The following BMF variants were observed in gnomAD, a reference collection of about 807,000 sequenced individuals.
BMF encodes bcl-2-modifying factor.
In BMF, 10 loss-of-function variants were observed where a neutral mutation model predicts 22.0. That is an observed-to-expected ratio of 0.45 (90% CI 0.28 to 0.77). The LOEUF (loss-of-function observed/expected upper bound fraction) is 0.77. BMF is among the 30% of genes least tolerant of loss of function. BMF has a pLI of 0.13. For synonymous variants in BMF, 87 were observed against 88.1 expected (o/e 0.99, Z 0.07); for missense variants, 206 against 226.8 (o/e 0.91, Z 0.59).
At chr15:40,097,445 C>T (rs1317730204) in intron 4 of BMF, among the ~76,000 whole-genome samples, 16 of 152,242 alleles carry the variant, frequency 1.1e-4, no homozygotes, top group Admixed American at 1.0e-3. Flanking sequence ...CTGAGTATCA[C>T]ATGAGGCAGA....
chr15:40,091,787 T>C lies in BMF; in HGVS notation c.555A>G (p.Ter185TrpextTer24). ...CCCATGTGAAGAGGGCAGCCCACCCTCACCTAGGGCCTGCCCCGTTCCTGT... is the reference window on the plus strand; with the variant it reads ...CCCATGTGAAGAGGGCAGCCCACCCCCACCTAGGGCCTGCCCCGTTCCTGT... Reference protein sequence around the residue: ...EENRNGAGPR* With the variant: ...EENRNGAGPRW The change falls in exon 5 of 5, where the codon TGA becomes TGG. Residue 185 changes from the stop codon to tryptophan, a stop_lost. Transcript: ENST00000354670. The C allele has an allele frequency of 6.2e-7, 1 of 1,603,426 alleles. No homozygotes were observed. The highest frequency in any genetic ancestry group is 8.5e-7 in the Non-Finnish European group (1 of 1,175,154).
chr15:40,107,587 G>GT (rs891397345), intron 2 of BMF, among the ~76,000 whole-genome samples: 14 of 149,850 alleles, frequency 9.3e-5, no homozygotes, highest in African/African-American at 3.4e-4. Flanking sequence ...TGGGGAGGGG[G>GT]GTGAGGTGGT....
intron 4 of BMF, among the ~76,000 whole-genome samples, chr15:40,093,190 T>A (rs1237021162): frequency 6.6e-6 from 1 of 152,200 alleles, no homozygotes; most frequent in Non-Finnish European, 1.5e-5. Context: ...GGTTGCTGGC[T>A]TCCCCTTCAC....
intron 4 of BMF, among the ~76,000 whole-genome samples, chr15:40,102,023 T>G (rs1052417706): frequency 3.3e-5 from 5 of 152,112 alleles, no homozygotes; most frequent in Non-Finnish European, 7.4e-5. Flanking sequence ...CACCTCCACT[T>G]TCCTTCTCCC....
intron 4 of BMF, among the ~76,000 whole-genome samples, chr15:40,094,372 G>A (rs1217881016): frequency 6.6e-6 from 1 of 152,168 alleles, no homozygotes; most frequent in African/African-American, 2.4e-5. Context: ...GGTGCAGGAG[G>A]CAGGATACAT....
chr15:40,106,107 G>A lies in BMF; in HGVS notation c.-5-16C>T, dbSNP rs377347079. 23 of 1,573,574 alleles carry A rather than the reference G, an allele frequency of 1.5e-5. No individual in the cohort carries two copies. The Middle Eastern group carries it at 5.1e-4, about 35-fold the overall frequency. On this transcript the variant is annotated splice_polypyrimidine_tract_variant and intron_variant, in intron 2 of 4. Transcript: ENST00000354670. The surrounding 1 kb of genome is among the most constrained non-coding windows in gnomAD (Gnocchi z 4.1). Reference sequence around the variant, plus strand: ...TCCATCTCTCCTGTGAGGGGGCAACGCAGGCATCTGGGCTGCTGCCCCACC... The same window carrying A: ...TCCATCTCTCCTGTGAGGGGGCAACACAGGCATCTGGGCTGCTGCCCCACC...
intron 3 of BMF, among the ~76,000 whole-genome samples, chr15:40,105,427 T>A (rs1301538170): frequency 6.6e-6 from 1 of 151,920 alleles, no homozygotes; most frequent in Non-Finnish European, 1.5e-5. Flanking sequence ...ACCGGCTGGG[T>A]TTTTCCCTTC....
At chr15:40,100,897 AG>A (rs1435607258) in intron 4 of BMF, among the ~76,000 whole-genome samples, 1 of 152,142 alleles carries the variant, frequency 6.6e-6, no homozygotes, top group Non-Finnish European at 1.5e-5. Flanking sequence ...AGGGACAAAA[AG>A]GGGGAGTGCA....
chr15:40,108,461 G>A (rs1225290037), intron 1 of BMF, 75 bp from the exon 2 acceptor site: 1 of 152,776 alleles, frequency 6.5e-6, no homozygotes, highest in Admixed American at 6.5e-5. Flanking sequence ...CCCAAAGTCA[G>A]ACCCAGAGGC....
At chr15:40,102,845 C>T (rs960882636) in intron 4 of BMF, among the ~76,000 whole-genome samples, 63 of 152,264 alleles carry the variant, frequency 4.1e-4, no homozygotes, top group African/African-American at 1.5e-3. Flanking sequence ...AGGGGAAACT[C>T]GAAGCCAAGT....
chr15:40,091,476 C>T lies in BMF; in HGVS notation c.*311G>A, dbSNP rs1230131579. On this transcript the variant is annotated 3_prime_UTR_variant, in exon 5 of 5. Transcript: ENST00000354670. ...GAGAACATCACTAACGGATCATCTTCGACAACTGGTAGATTCCTCAGTCGA... is the reference window on the plus strand; with the variant it reads ...GAGAACATCACTAACGGATCATCTTTGACAACTGGTAGATTCCTCAGTCGA... 2.7e-5 allele frequency: 7 copies of T among 259,898 alleles called. No homozygotes were observed. Among genetic ancestry groups the T allele is most frequent in the East Asian group, 7.2e-5 (1 of 13,918 alleles). The allele number at this position is 259,898 out of a possible 1,614,324, so 16.1% of individuals were successfully genotyped here. A position where few individuals can be genotyped will look rare whatever the true frequency, so the allele number is the denominator to read the frequency against.
At chr15:40,102,416 C>CAAAAAAAAAAAAAAAAAAAAAAAAAAAA (rs71132141) in intron 4 of BMF, among the ~76,000 whole-genome samples, 1 of 95,838 alleles carries the variant, frequency 1.0e-5, no homozygotes. Flanking sequence ...GCGAAAGAGC[C>CAAAAAAAAAAAAAAAAAAAAAAAAAAAA]AAAAAAAAAA....
At chr15:40,097,378 T>C (rs1314029628) in intron 4 of BMF, among the ~76,000 whole-genome samples, 1 of 152,238 alleles carries the variant, frequency 6.6e-6, no homozygotes, top group Non-Finnish European at 1.5e-5. Flanking sequence ...TAAAATATTA[T>C]AAACTTGGTT....
At chr15:40,094,512 C>T (rs554813664) in intron 4 of BMF, among the ~76,000 whole-genome samples, 21 of 152,322 alleles carry the variant, frequency 1.4e-4, no homozygotes, top group Admixed American at 1.3e-4. Context: ...ACCTGGCTTT[C>T]GGGTTGGATC....
In BMF at chr15:40,104,322, A is replaced by C; in HGVS notation, c.311T>G (p.Leu104Arg). The C allele has an allele frequency of 6.2e-7, 1 of 1,614,212 alleles. No homozygotes were observed. The highest frequency in any genetic ancestry group is 8.5e-7 in the Non-Finnish European group (1 of 1,180,036). Residue 104 changes from leucine (L) to arginine (R), a missense_variant, in exon 4 of 5, where the codon CTT becomes CGT. Transcript: ENST00000354670. The stretch of plus-strand genomic sequence containing the variant: ...TGCTGGGAAACTGGCAGGGAGAGGA[A>C]GCCGATAGCCAGCATTGCCTGCAAA... The part of the protein sequence containing the change: ...RLFYGNAGYR[L>R]PLPASFPAVL...
chr15:40,089,272 G>A lies in BMF; in HGVS notation c.*2515C>T, dbSNP rs554684995. 6.6e-6 allele frequency: 1 copy of A among 152,298 alleles called. No individual in the cohort carries two copies. The highest frequency in any genetic ancestry group is 1.5e-5 in the Non-Finnish European group (1 of 68,144). The allele number at this position is 152,298 out of a possible 1,614,324, so 9.4% of individuals were successfully genotyped here. On this transcript the variant is annotated 3_prime_UTR_variant, in exon 5 of 5. Coordinates refer to ENST00000354670, the MANE Select transcript of BMF (RefSeq NM_001003940.2). ...GAGGAATGTTTAGGCCAACTCACCAGGCAGAGGAGGAAGGGGCCAGTTTAG... is the reference window on the plus strand; with the variant it reads ...GAGGAATGTTTAGGCCAACTCACCAAGCAGAGGAGGAAGGGGCCAGTTTAG...
rs2036575147 is a variant in BMF, at chr15:40,105,786, A to C, written c.292+9T>G. 1 of 1,588,576 alleles carries C rather than the reference A, an allele frequency of 6.3e-7. No individual in the cohort carries two copies. Among genetic ancestry groups the C allele is most frequent in the East Asian group, 2.2e-5 (1 of 44,472 alleles). ...CTATGGGAGGAGTCTTGAGGCTGAG[A>C]GCACTCACCATAAAAGAGTCGCTGG... On this transcript the variant is annotated intron_variant, in intron 3 of 4. Transcript: ENST00000354670.
At position 40,104,281 on chromosome 15, in the gene BMF, C is replaced by T; in HGVS notation, c.352G>A (p.Glu118Lys). The change falls in exon 4 of 5, where the codon GAG becomes AAG. Residue 118 changes from glutamate to lysine, a missense_variant. By Grantham distance (56) the Glu-to-Lys change is moderately conservative. Coordinates refer to ENST00000354670, the MANE Select transcript of BMF (RefSeq NM_001003940.2). ...TGCCACTGCCCTTCGGGGGGCTGCT[C>T]CCCAATGGGCAAGACTGCTGGGAAA... ...ASFPAVLPIG[E>K]QPPEGQWQHQ... is the part of the protein sequence containing the mutation. 1 of 1,614,236 alleles carries T rather than the reference C, an allele frequency of 6.2e-7. No individual in the cohort carries two copies. The highest frequency in any genetic ancestry group is 8.5e-7 in the Non-Finnish European group (1 of 1,180,050).
chr15:40,101,222 C>T (rs1428426508), intron 4 of BMF, among the ~76,000 whole-genome samples: 1 of 152,080 alleles, frequency 6.6e-6, no homozygotes, highest in Admixed American at 6.6e-5. Context: ...GAATTGTGAA[C>T]CAACAAGAAC....
Sources: allele counts gnomAD v4.1 joint callset (sites outside exome capture counted in the v4.1 genomes callset), GRCh38; gene constraint gnomAD v4.1.1; non-coding constraint Gnocchi (gnomAD v3.1); transcripts MANE v1.5; gene names NCBI Gene and HGNC (gene_info 2026-07-23, HGNC 2026-07-21).